Variants in GSK3B observed in about 807,000 individuals in gnomAD.
GSK3B encodes the protein glycogen synthase kinase 3 beta, also known as glycogen synthase kinase-3 beta.
GSK3B carries 15 observed loss-of-function variants against 56.4 expected under a neutral mutation model. The ratio of observed to expected loss-of-function variants is 0.27; its 90% CI spans 0.18 to 0.41. GSK3B has a LOEUF of 0.41. GSK3B is among the 10% of genes least tolerant of loss of function. The pLI, the probability that GSK3B is intolerant of heterozygous loss-of-function variation, is 1.00. For synonymous variants in GSK3B, 181 were observed against 188.9 expected (o/e 0.96, Z 0.34); for missense variants, 300 against 513.4 (o/e 0.58, Z 4.02).
At chr3:119,870,854 A>C (rs2056242056) in intron 8 of GSK3B, among the ~76,000 whole-genome samples, 1 of 152,212 alleles carries the variant, frequency 6.6e-6, no homozygotes, top group Non-Finnish European at 1.5e-5. Flanking sequence ...TGGCAAGCTT[A>C]GGAGCCAATA....
At chr3:120,079,073 C>G (rs1299752858) in intron 1 of GSK3B, among the ~76,000 whole-genome samples, 1 of 150,566 alleles carries the variant, frequency 6.6e-6, no homozygotes, top group African/African-American at 2.5e-5. Context: ...TCCCGTGTAG[C>G]TGGGATTACA....
intron 3 of GSK3B, 65 bp downstream of exon 3, chr3:119,947,203 G>T: frequency 1.0e-6 from 1 of 957,492 alleles, no homozygotes; most frequent in Non-Finnish European, 1.7e-6. Flanking sequence ...GCGGTGGGGA[G>T]ATTAATTTCT....
At chr3:120,036,953 CA>C (rs1221091556) in intron 1 of GSK3B, among the ~76,000 whole-genome samples, 7 of 152,108 alleles carry the variant, frequency 4.6e-5, no homozygotes, top group African/African-American at 1.7e-4. Flanking sequence ...TTAATGTCAA[CA>C]CCTGTTAAAA....
chr3:120,042,343 T>C (rs1453996650), intron 1 of GSK3B, among the ~76,000 whole-genome samples: 8 of 152,206 alleles, frequency 5.3e-5, no homozygotes, highest in African/African-American at 1.9e-4. Flanking sequence ...TTGTCCAACC[T>C]GCATCAAAGG....
chr3:119,839,061 T>C (rs1043345008), intron 10 of GSK3B, among the ~76,000 whole-genome samples: 2 of 152,232 alleles, frequency 1.3e-5, no homozygotes, highest in Admixed American at 6.5e-5. Context: ...TTGTGATATT[T>C]TGTTGTACTA....
Position 120,078,877 on chromosome 3 carries a change from C to T in GSK3B, c.88+14470G>A, listed in dbSNP as rs183796884. Reference sequence around the variant, plus strand: ...GTCTCCTCTATCCTTTCAAAAAGCACAGCTCTTCTTTAATTTTCTACAATT... The same window carrying T: ...GTCTCCTCTATCCTTTCAAAAAGCATAGCTCTTCTTTAATTTTCTACAATT... On this transcript the variant is annotated intron_variant, in intron 1 of 10. Coordinates refer to ENST00000264235, the MANE Select transcript of GSK3B (RefSeq NM_001146156.2). 1.7e-3 allele frequency among the ~76,000 whole-genome samples: 258 copies of T among 149,008 alleles called. 2 individuals carry two copies. Among genetic ancestry groups the T allele is most frequent in the African/African-American group, 6.0e-3 (243 of 40,274 alleles).
intron 7 of GSK3B, among the ~76,000 whole-genome samples, chr3:119,892,756 T>C (rs2056517402): frequency 6.6e-6 from 1 of 152,204 alleles, no homozygotes. Context: ...TGAAATTATA[T>C]AACACAACAT....
chr3:119,842,567 CATTTG>C (rs1439291602), intron 10 of GSK3B, among the ~76,000 whole-genome samples: 1 of 152,108 alleles, frequency 6.6e-6, no homozygotes, highest in Non-Finnish European at 1.5e-5. Flanking sequence ...ATAAACATCT[CATTTG>C]ATTTGATTTC....
chr3:119,850,863 G>A (rs762464124), intron 9 of GSK3B, among the ~76,000 whole-genome samples: 16 of 151,952 alleles, frequency 1.1e-4, no homozygotes, highest in Non-Finnish European at 1.8e-4. Flanking sequence ...AGAGTAGGGG[G>A]ATAAGAACAA....
intron 1 of GSK3B, chr3:120,029,512 T>A: frequency 3.2e-6 from 2 of 634,262 alleles, no homozygotes. Context: ...GTCAGTTATG[T>A]GTGTAAAGTT....
chr3:119,877,196 T>C (rs2056324224), intron 7 of GSK3B, among the ~76,000 whole-genome samples: 1 of 152,118 alleles, frequency 6.6e-6, no homozygotes, highest in Non-Finnish European at 1.5e-5. Context: ...AGAAAAACTA[T>C]CTATTGCAAT....
chr3:119,904,749 T>C (rs1236349550), intron 7 of GSK3B, among the ~76,000 whole-genome samples: 4 of 152,090 alleles, frequency 2.6e-5, no homozygotes, highest in East Asian at 3.8e-4. Flanking sequence ...TTCAAGAAAA[T>C]ACTAGAAAAC....
At position 119,823,211 on chromosome 3, in the gene GSK3B, C is replaced by A; in HGVS notation, c.*3577G>T. 1 of 226,816 alleles carries A rather than the reference C, an allele frequency of 4.4e-6. No homozygotes were observed. Among genetic ancestry groups the A allele is most frequent in the East Asian group, 6.3e-5 (1 of 15,792 alleles). 14.1% of individuals were successfully genotyped at this position (226,816 alleles called of 1,614,324 possible). ...CTTTGAGGCAAAACATTCTATTTTT[C>A]TTTCAAAAAAGGCCTTCGTGTTGGG... On this transcript the variant is annotated 3_prime_UTR_variant, in exon 11 of 11. Coordinates refer to ENST00000264235, the MANE Select transcript of GSK3B (RefSeq NM_001146156.2).
intron 1 of GSK3B, among the ~76,000 whole-genome samples, chr3:120,058,226 A>G (rs2058207262): frequency 1.3e-5 from 2 of 152,154 alleles, no homozygotes; most frequent in Admixed American, 1.3e-4. Flanking sequence ...AAGCATCACA[A>G]AAAGCTAATG....
At chr3:119,927,614 T>A (rs1317957445) in intron 3 of GSK3B, among the ~76,000 whole-genome samples, 1 of 152,116 alleles carries the variant, frequency 6.6e-6, no homozygotes, top group Non-Finnish European at 1.5e-5. Flanking sequence ...ACTTAATGAA[T>A]CTCAGAACAC....
At chr3:119,960,730 C>A (rs914180853) in intron 2 of GSK3B, among the ~76,000 whole-genome samples, 12 of 152,206 alleles carry the variant, frequency 7.9e-5, no homozygotes, top group Admixed American at 7.9e-4. Context: ...TCTCAGCAAT[C>A]CTTAAACCCC....
chr3:120,075,190 TA>T (rs1237132076), intron 1 of GSK3B, among the ~76,000 whole-genome samples: 1 of 152,198 alleles, frequency 6.6e-6, no homozygotes, highest in Non-Finnish European at 1.5e-5. Context: ...ACTTTCTTGA[TA>T]AAAACTCTTT....
chr3:119,956,790 A>G (rs1375694785), intron 2 of GSK3B, among the ~76,000 whole-genome samples: 1 of 152,220 alleles, frequency 6.6e-6, no homozygotes, highest in Non-Finnish European at 1.5e-5. Flanking sequence ...AGGAATCAAT[A>G]CAAGAGACAG....
chr3:119,875,537 ACACACACACAG>A, intron 8 of GSK3B, among the ~76,000 whole-genome samples: 1 of 147,974 alleles, frequency 6.8e-6, no homozygotes, highest in South Asian at 2.1e-4. Context: ...ACACACACAC[ACACACACACAG>A]AAGTTTAATC....
Sources: gnomAD v4.1 joint callset for allele counts (sites outside exome capture counted in the v4.1 genomes callset) on GRCh38, gnomAD v4.1.1 for gene constraint, MANE v1.5 for transcripts, NCBI Gene and HGNC (gene_info 2026-07-23, HGNC 2026-07-21) for gene names.